The following BCL11B variants were observed in gnomAD, a reference collection of about 807,000 sequenced individuals.
BCL11B encodes B-cell lymphoma/leukemia 11B.
A neutral mutation model predicts 49.9 loss-of-function variants in BCL11B; 8 were observed. The observed-to-expected ratio is 0.16, with a 90% CI of 0.09 to 0.29. BCL11B has a LOEUF of 0.29. Ranked by LOEUF, BCL11B falls within the 10% of genes least tolerant of loss-of-function variation. The pLI, the probability that BCL11B is intolerant of heterozygous loss-of-function variation, is 1.00. For missense variants in BCL11B, 1,006 were observed against 1,351.0 expected, an observed-to-expected ratio of 0.74 and a Z score of 4.00; for synonymous variants, 739 against 637.4, an observed-to-expected ratio of 1.16 and a Z score of -2.40.
At chr14:99,199,839 G>A (rs969425036) in intron 3 of BCL11B, among the ~76,000 whole-genome samples, 29 of 151,940 alleles carry the variant, frequency 1.9e-4, no homozygotes, top group African/African-American at 7.0e-4. Context: ...TTATTTTATG[G>A]GTCCACATTA....
In BCL11B at chr14:99,174,991, G is replaced by A. The variant is rs369506800; in HGVS notation, c.1845C>T (p.Ala615=). 3.5e-5 allele frequency: 56 copies of A among 1,578,852 alleles called. 1 individual carries two copies. The African/African-American group carries it at 4.4e-4, about 12-fold the overall frequency. Residue 615 remains alanine (A), a synonymous_variant, in exon 4 of 4, where the codon GCC becomes GCT. Transcript: ENST00000357195. ...GALPQYGELL[A]DKQKRGAFLK... is the part of the protein sequence containing the mutation. Reference sequence around the variant, plus strand: ...GGAAGGCGCCGCGCTTCTGCTTGTCGGCCAGGAGCTCGCCGTACTGCGGCA... The same window carrying A: ...GGAAGGCGCCGCGCTTCTGCTTGTCAGCCAGGAGCTCGCCGTACTGCGGCA...
At position 99,218,232 on chromosome 14, in the gene BCL11B, A is replaced by ATTTT. The variant is rs34932370; in HGVS notation, c.640+13109_640+13112dup. ...AGGCACCCGCCACCATGCCTGGCTA[A>ATTTT]TTTTTTTTTTTTTTTTTTTTTGTAT... On this transcript the variant is annotated intron_variant, in intron 3 of 3. Transcript: ENST00000357195. Among the ~76,000 whole-genome samples the ATTTT allele has an allele frequency of 5.1e-3, 578 of 112,846 alleles. 6 individuals are homozygous for ATTTT. The highest frequency in any genetic ancestry group is 0.017 in the African/African-American group (487 of 28,952). 74.0% of individuals were successfully genotyped at this position (112,846 alleles called of 152,430 possible).
chr14:99,257,526 A>T lies in BCL11B; in HGVS notation c.372T>A (p.Asp124Glu). The stretch of plus-strand genomic sequence containing the variant: ...CTTTCGTGGGTGAGAGCAGGTGGTC[A>T]TCTTCGTCGGGGGTGACTTGGATCC... ...EIGIQVTPDE[D>E]DHLLSPTKGI... The change falls in exon 2 of 4, where the codon GAT (aspartate) becomes GAA (glutamate). Residue 124 changes from aspartate (D) to glutamate (E), a missense_variant. Asp to Glu is a conservative substitution (Grantham distance 45, BLOSUM62 2). Transcript: ENST00000357195. This position sits in a 1 kb window ranked among gnomAD's most constrained non-coding sequence, Gnocchi z 6.2. 6.2e-7 allele frequency: 1 copy of T among 1,613,634 alleles called. No homozygotes were observed.
intron 3 of BCL11B, among the ~76,000 whole-genome samples, chr14:99,203,282 C>T (rs1162123449): frequency 3.3e-5 from 5 of 152,242 alleles, no homozygotes; most frequent in Non-Finnish European, 7.4e-5. Flanking sequence ...CTGTAAATCC[C>T]ATCATCAAAG....
At chr14:99,221,157 G>C (rs772738251) in intron 3 of BCL11B, among the ~76,000 whole-genome samples, 1 of 152,102 alleles carries the variant, frequency 6.6e-6, no homozygotes, top group Non-Finnish European at 1.5e-5. Context: ...CGACTGGCCT[G>C]ATCAAAGGTA....
At chr14:99,225,664 AG>A (rs1297980918) in intron 3 of BCL11B, among the ~76,000 whole-genome samples, 3 of 152,232 alleles carry the variant, frequency 2.0e-5, no homozygotes, top group African/African-American at 7.2e-5. Context: ...AAAAAAAGAA[AG>A]AAAGAAAGAA....
At chr14:99,177,589 C>A (rs2139765823) in intron 3 of BCL11B, among the ~76,000 whole-genome samples, 1 of 143,916 alleles carries the variant, frequency 6.9e-6, no homozygotes, top group Non-Finnish European at 1.5e-5. Context: ...TCAGATCCAG[C>A]AGAAGACATG....
intron 3 of BCL11B, among the ~76,000 whole-genome samples, chr14:99,221,641 C>T (rs535756099): frequency 3.3e-5 from 5 of 152,254 alleles, no homozygotes; most frequent in Non-Finnish European, 7.3e-5. Flanking sequence ...GCCCCAGGCT[C>T]GAGGAGGCTT....
At position 99,175,912 on chromosome 14, in the gene BCL11B, G is replaced by A. The variant is rs1301557972; in HGVS notation, c.924C>T (p.Gly308=). 33 of 1,449,002 alleles carry A rather than the reference G, an allele frequency of 2.3e-5. No individual in the cohort carries two copies. Among genetic ancestry groups the A allele is most frequent in the Admixed American group, 2.9e-5 (1 of 34,040 alleles). 89.8% of individuals were successfully genotyped at this position (1,449,002 alleles called of 1,614,324 possible). A position where few individuals can be genotyped will look rare whatever the true frequency, so the allele number is the denominator to read the frequency against. The change falls in exon 4 of 4, where the codon GGC becomes GGT. Residue 308 remains glycine, a synonymous_variant. Transcript: ENST00000357195. ...ILRDHPGFGE[G]RLPGTPPLFS... Reference sequence around the variant, plus strand: ...AGAGAGGCGGCGTGCCCGGCAGGCGGCCCTCGCCGAAGCCCGGGTGGTCCC... The same window carrying A: ...AGAGAGGCGGCGTGCCCGGCAGGCGACCCTCGCCGAAGCCCGGGTGGTCCC...
intron 2 of BCL11B, among the ~76,000 whole-genome samples, chr14:99,238,310 C>T (rs1487757939): frequency 6.6e-6 from 1 of 152,198 alleles, no homozygotes; most frequent in Non-Finnish European, 1.5e-5. Flanking sequence ...ACATCCTCCC[C>T]AGCAGCTGCC....
At chr14:99,202,809 C>T (rs992871166) in intron 3 of BCL11B, among the ~76,000 whole-genome samples, 1 of 152,188 alleles carries the variant, frequency 6.6e-6, no homozygotes, top group African/African-American at 2.4e-5. Flanking sequence ...AGCCTGGGGT[C>T]TCATGCAGCG....
At chr14:99,186,233 A>G (rs1459884640) in intron 3 of BCL11B, among the ~76,000 whole-genome samples, 5 of 152,254 alleles carry the variant, frequency 3.3e-5, no homozygotes, top group Non-Finnish European at 7.3e-5. Context: ...ATGGAAAATA[A>G]GAGTGCATCA....
intron 2 of BCL11B, among the ~76,000 whole-genome samples, chr14:99,246,889 G>A (rs959492399): frequency 3.3e-5 from 5 of 152,146 alleles, no homozygotes; most frequent in African/African-American, 1.2e-4. Context: ...TGCAAACGTC[G>A]GGGAAACCGG....
At chr14:99,255,451 G>T (rs934953635) in intron 2 of BCL11B, among the ~76,000 whole-genome samples, 3 of 150,410 alleles carry the variant, frequency 2.0e-5, no homozygotes, top group African/African-American at 7.4e-5. Context: ...GGGCCAGGGG[G>T]TGGAAGGATG....
At chr14:99,190,674 GC>G (rs1886998801) in intron 3 of BCL11B, among the ~76,000 whole-genome samples, 1 of 152,184 alleles carries the variant, frequency 6.6e-6, no homozygotes, top group African/African-American at 2.4e-5. Context: ...AACACACACT[GC>G]CAAAACCACT....
chr14:99,267,104 A>G (rs1032227688), intron 1 of BCL11B, among the ~76,000 whole-genome samples: 2 of 152,074 alleles, frequency 1.3e-5, no homozygotes, highest in Non-Finnish European at 2.9e-5. Flanking sequence ...CTGACACAAC[A>G]CACCCAACCA....
rs267604121 is a variant in BCL11B at position 99,257,595 on chromosome 14, G to C, written c.303C>G (p.Ser101=). 5.0e-6 allele frequency: 8 copies of C among 1,614,092 alleles called. No individual in the cohort carries two copies. The highest frequency in any genetic ancestry group is 6.8e-6 in the Non-Finnish European group (8 of 1,179,982). Residue 101 remains serine, a synonymous_variant, in exon 2 of 4, where the codon TCC becomes TCG. Transcript: ENST00000357195. The surrounding 1 kb of genome is among the most constrained non-coding windows in gnomAD (Gnocchi z 6.2). ...KALDKDSPPP[S]SRSELRKVSE... ...ACACTTTCCTGAGCTCGGAGCGTGAGGAGGGTGGCGGGCTGTCCTTGTCCA... is the reference window on the plus strand; with the variant it reads ...ACACTTTCCTGAGCTCGGAGCGTGACGAGGGTGGCGGGCTGTCCTTGTCCA...
intron 1 of BCL11B, among the ~76,000 whole-genome samples, chr14:99,267,549 C>A (rs1471025654): frequency 2.0e-5 from 3 of 149,664 alleles, no homozygotes; most frequent in South Asian, 2.1e-4. Context: ...ACTTCACCCC[C>A]CCCCCACCAA....
intron 3 of BCL11B, among the ~76,000 whole-genome samples, chr14:99,189,423 C>CACACACACA: frequency 6.6e-6 from 1 of 152,372 alleles, no homozygotes; most frequent in South Asian, 2.1e-4. Context: ...ACACTACATG[C>CACACACACA]ACACACACAT....
Sources: allele counts gnomAD v4.1 joint callset (sites outside exome capture counted in the v4.1 genomes callset), GRCh38; gene constraint gnomAD v4.1.1; non-coding constraint Gnocchi (gnomAD v3.1); transcripts MANE v1.5; gene names NCBI Gene and HGNC (gene_info 2026-07-23, HGNC 2026-07-21).